ERAP1: variants seen among roughly 807,000 people sequenced by gnomAD.
The protein encoded by ERAP1 is endoplasmic reticulum aminopeptidase 1.
A neutral mutation model predicts 103.7 loss-of-function variants in ERAP1; 86 were observed. That is an observed-to-expected ratio of 0.83 (90% CI 0.70 to 0.99). ERAP1 has a LOEUF of 0.99. Among genes scored for constraint, ERAP1 ranks in the 50% least tolerant of loss-of-function variants. The pLI, the probability that ERAP1 is intolerant of heterozygous loss-of-function variation, is 0.00. For missense variants in ERAP1, 1,009 were observed against 1,128.4 expected (o/e 0.89, Z 1.52); for synonymous variants, 398 against 402.4 (o/e 0.99, Z 0.13).
chr5:96,797,544 T>C (rs1029134180), intron 3 of ERAP1, among the ~76,000 whole-genome samples: 42 of 152,124 alleles, frequency 2.8e-4, no homozygotes, highest in Middle Eastern at 3.2e-3. Flanking sequence ...TGCGTGCCTG[T>C]AGTCATAGCT....
the ERAP1 span, among the ~76,000 whole-genome samples, chr5:96,841,139 C>T: frequency 6.6e-6 from 1 of 152,200 alleles, no homozygotes; most frequent in Non-Finnish European, 1.5e-5. Flanking sequence ...TATGTCATGT[C>T]TCCTAATTTT....
At chr5:96,843,975 T>C in the ERAP1 span, among the ~76,000 whole-genome samples, 48 of 152,334 alleles carry the variant, frequency 3.2e-4, no homozygotes, top group South Asian at 1.0e-3. Flanking sequence ...TCTCCATGTG[T>C]TGATTCATGA....
Position 96,774,817 on chromosome 5 carries a change from T to TTTA in ERAP1, c.*1576_*1578dup, listed in dbSNP as rs1226121663. 1.9e-5 allele frequency: 19 copies of TTTA among 984,644 alleles called. No homozygotes were observed. The highest frequency in any genetic ancestry group is 2.2e-5 in the Non-Finnish European group (18 of 829,186). The allele number at this position is 984,644 out of a possible 1,614,324, so 61.0% of individuals were successfully genotyped here. ...AATTCCAATTCCACTTTTATACCTA[T>TTTA]TTATTTGTTGTAGTGAATGGTTTAA... On this transcript the variant is annotated 3_prime_UTR_variant, in exon 19 of 19. Transcript: ENST00000443439.
the ERAP1 span, among the ~76,000 whole-genome samples, chr5:96,885,269 A>G: frequency 3.9e-5 from 6 of 152,180 alleles, no homozygotes; most frequent in African/African-American, 9.6e-5. Flanking sequence ...GAAGACCACA[A>G]TAATACCCCA....
the ERAP1 span, among the ~76,000 whole-genome samples, chr5:96,898,416 A>G: frequency 2.0e-5 from 3 of 152,044 alleles, no homozygotes; most frequent in African/African-American, 4.8e-5. Context: ...GAAAATCCTG[A>G]GACATATTCA....
At chr5:96,803,123 A>G (rs1425801611) in intron 2 of ERAP1, among the ~76,000 whole-genome samples, 2 of 152,178 alleles carry the variant, frequency 1.3e-5, no homozygotes, top group African/African-American at 4.8e-5. Context: ...AGTTCAGGAA[A>G]ATTAAACATG....
At chr5:96,793,369 C>G in intron 7 of ERAP1, 31 bp downstream of exon 7, 1 of 1,457,466 alleles carries the variant, frequency 6.9e-7, no homozygotes, top group Non-Finnish European at 9.6e-7. Context: ...AACAAATTAA[C>G]CTCAAATGTG....
the ERAP1 span, among the ~76,000 whole-genome samples, chr5:96,843,941 T>G: frequency 6.6e-6 from 1 of 152,216 alleles, no homozygotes; most frequent in Non-Finnish European, 1.5e-5. Context: ...CAAGATAACC[T>G]TTTTATGCCA....
downstream of ERAP1, chr5:96,771,797 T>C (rs1367426803): frequency 6.9e-6 from 5 of 721,898 alleles, no homozygotes; most frequent in African/African-American, 1.8e-5. Flanking sequence ...TCTTGAGTAA[T>C]TCATGCTCAC....
At chr5:96,892,723 G>C in the ERAP1 span, among the ~76,000 whole-genome samples, 1 of 152,184 alleles carries the variant, frequency 6.6e-6, no homozygotes, top group South Asian at 2.1e-4. Context: ...GGAAAAGAAG[G>C]GAAGTGACTA....
chr5:96,764,137 T>C (rs1385559475), intron 19 of ERAP1, among the ~76,000 whole-genome samples: 3 of 152,208 alleles, frequency 2.0e-5, no homozygotes, highest in African/African-American at 7.2e-5. Context: ...ATTGAATTCA[T>C]TTAGAGGTGG....
chr5:96,910,840 C>G, the ERAP1 span, among the ~76,000 whole-genome samples: 2 of 152,238 alleles, frequency 1.3e-5, no homozygotes, highest in Admixed American at 1.3e-4. Context: ...TGAAATGTAA[C>G]TAGTTGCACA....
the ERAP1 span, chr5:96,917,633 G>A: frequency 1.7e-5 from 27 of 1,593,070 alleles, no homozygotes; most frequent in Admixed American, 1.7e-5. Context: ...TAGGCTGGGC[G>A]CGGTGGCTCA....
the ERAP1 span, among the ~76,000 whole-genome samples, chr5:96,813,324 A>G: frequency 6.6e-6 from 1 of 152,192 alleles, no homozygotes; most frequent in African/African-American, 2.4e-5. Context: ...GAAAAATTTT[A>G]AGAGTAGTCT....
chr5:96,776,172 G>T lies in ERAP1; in HGVS notation c.*224C>A. ...TTCTGTGGCAGGGAACCCAACACTT[G>T]GGTTTACGTTGCAGGGCAACACCTG... is the stretch of plus-strand genomic sequence containing the variant. On this transcript the variant is annotated 3_prime_UTR_variant, in exon 19 of 19. Coordinates refer to ENST00000443439, the MANE Select transcript of ERAP1 (RefSeq NM_001040458.3). 1 of 1,505,620 alleles carries T rather than the reference G, an allele frequency of 6.6e-7. No individual in the cohort carries two copies. The highest frequency in any genetic ancestry group is 2.6e-5 in the East Asian group (1 of 38,846). 93.3% of individuals were successfully genotyped at this position (1,505,620 alleles called of 1,614,324 possible). A position where few individuals can be genotyped will look rare whatever the true frequency, so the allele number is the denominator to read the frequency against.
At chr5:96,900,321 T>G in the ERAP1 span, 4 of 1,373,402 alleles carry the variant, frequency 2.9e-6, no homozygotes, top group Non-Finnish European at 3.8e-6. Context: ...CGATTTTCTC[T>G]AAAACAAAAC....
chr5:96,804,387 C>A (rs971144464), intron 1 of ERAP1: 2 of 279,016 alleles, frequency 7.2e-6, no homozygotes, highest in African/African-American at 4.5e-5. Flanking sequence ...CCACTCCCCA[C>A]TGACACTGGA....
At chr5:96,896,123 G>A in the ERAP1 span, among the ~76,000 whole-genome samples, 1 of 152,046 alleles carries the variant, frequency 6.6e-6, no homozygotes, top group African/African-American at 2.4e-5. Flanking sequence ...GTATTCAAGG[G>A]CTGGTACATG....
At chr5:96,790,989 G>A (rs1224311321) in intron 8 of ERAP1, among the ~76,000 whole-genome samples, 1 of 152,202 alleles carries the variant, frequency 6.6e-6, no homozygotes, top group Non-Finnish European at 1.5e-5. Context: ...GCTACTACCT[G>A]GCTCTCCCAC....
Sources: gnomAD v4.1 joint callset for allele counts (sites outside exome capture counted in the v4.1 genomes callset) on GRCh38, gnomAD v4.1.1 for gene constraint, MANE v1.5 for transcripts, NCBI Gene and HGNC (gene_info 2026-07-23, HGNC 2026-07-21) for gene names.